The following SLC24A2 variants were observed in gnomAD, a reference collection of about 807,000 sequenced individuals.
The protein encoded by SLC24A2 is sodium/potassium/calcium exchanger 2.
A neutral mutation model predicts 62.0 loss-of-function variants in SLC24A2; 36 were observed. The observed-to-expected ratio is 0.58, with a 90% confidence interval of 0.44 to 0.77. SLC24A2 has a LOEUF of 0.77. Among genes scored for constraint, SLC24A2 ranks in the 30% least tolerant of loss-of-function variants. SLC24A2 has a pLI of 0.00. For missense variants in SLC24A2, 846 were observed against 817.9 expected, an observed-to-expected ratio of 1.03 and a Z score of -0.42; for synonymous variants, 358 against 294.0, an observed-to-expected ratio of 1.22 and a Z score of -2.23.
rs190027950 is a variant in SLC24A2, at chr9:19,704,504, G to C, written c.930+81433C>G. 2.0e-4 allele frequency among the ~76,000 whole-genome samples: 30 copies of C among 152,214 alleles called. No homozygotes were observed. In the East Asian group the frequency reaches 4.4e-3, roughly 23 times the overall value. On this transcript the variant is annotated intron_variant, in intron 2 of 10. Transcript: ENST00000341998. ...TTATTTAAATTTTTTTCCTGTGTTT[G>C]TGTATTTGCATCTATTATGAACATG...
At chr9:19,577,229 CCCT>C (rs1477556079) in intron 5 of SLC24A2, among the ~76,000 whole-genome samples, 1 of 152,130 alleles carries the variant, frequency 6.6e-6, no homozygotes, top group Admixed American at 6.5e-5. Context: ...AGAATCTCTT[CCCT>C]CCCTTCCCAG....
At chr9:19,523,420 A>C (rs1324801412) in intron 9 of SLC24A2, among the ~76,000 whole-genome samples, 3 of 152,220 alleles carry the variant, frequency 2.0e-5, no homozygotes, top group Non-Finnish European at 4.4e-5. Flanking sequence ...GCACAGTGTC[A>C]GGTATAAAGC....
At chr9:19,822,364 G>C in the SLC24A2 span, among the ~76,000 whole-genome samples, 1 of 152,054 alleles carries the variant, frequency 6.6e-6, no homozygotes, top group Non-Finnish European at 1.5e-5. Flanking sequence ...ATATATAATT[G>C]ATGATAGGAA....
the SLC24A2 span, among the ~76,000 whole-genome samples, chr9:20,227,752 G>A: frequency 6.6e-6 from 1 of 152,062 alleles, no homozygotes; most frequent in African/African-American, 2.4e-5. Flanking sequence ...AATCTCTAAT[G>A]TTATTGCCTA....
chr9:20,216,532 A>T, the SLC24A2 span, among the ~76,000 whole-genome samples: 12 of 152,174 alleles, frequency 7.9e-5, no homozygotes, highest in African/African-American at 2.4e-4. Flanking sequence ...TGTCAAAATA[A>T]AAAGGAGTAT....
chr9:19,607,248 G>A (rs961945645), intron 4 of SLC24A2, among the ~76,000 whole-genome samples: 2 of 152,198 alleles, frequency 1.3e-5, no homozygotes, highest in Non-Finnish European at 2.9e-5. Flanking sequence ...GGTCCCCCAA[G>A]TAATTGCATC....
intron 7 of SLC24A2, among the ~76,000 whole-genome samples, chr9:19,559,001 A>C (rs1835256970): frequency 6.6e-6 from 1 of 152,202 alleles, no homozygotes; most frequent in Non-Finnish European, 1.5e-5. Context: ...TTTCTACTAA[A>C]TAGGAAGTCA....
chr9:20,182,064 A>G, the SLC24A2 span, among the ~76,000 whole-genome samples: 3 of 152,372 alleles, frequency 2.0e-5, no homozygotes, highest in South Asian at 6.2e-4. Flanking sequence ...AATGCAAATC[A>G]AAACCACAAT....
chr9:20,147,780 C>G, the SLC24A2 span, among the ~76,000 whole-genome samples: 2 of 152,080 alleles, frequency 1.3e-5, no homozygotes, highest in Non-Finnish European at 2.9e-5. Context: ...AGGGGTGCAA[C>G]TAACCTGGGG....
At chr9:20,100,918 T>C in the SLC24A2 span, among the ~76,000 whole-genome samples, 3 of 152,198 alleles carry the variant, frequency 2.0e-5, no homozygotes, top group South Asian at 6.2e-4. Flanking sequence ...CTACAGGTAT[T>C]GTGGTCTCTC....
At chr9:20,073,893 CACAT>C in the SLC24A2 span, among the ~76,000 whole-genome samples, 5 of 123,824 alleles carry the variant, frequency 4.0e-5, no homozygotes, top group African/African-American at 9.2e-5. Flanking sequence ...TATATATACA[CACAT>C]ATATATATAT....
At chr9:20,283,761 G>A in the SLC24A2 span, among the ~76,000 whole-genome samples, 9 of 142,572 alleles carry the variant, frequency 6.3e-5, no homozygotes, top group African/African-American at 1.0e-4. Flanking sequence ...AGGGGGGGGG[G>A]GGCTTTAATC....
the SLC24A2 span, among the ~76,000 whole-genome samples, chr9:20,092,916 G>A: frequency 6.6e-6 from 1 of 152,264 alleles, no homozygotes; most frequent in African/African-American, 2.4e-5. Flanking sequence ...GGGTGGTAAG[G>A]TGAATAAGGT....
the SLC24A2 span, among the ~76,000 whole-genome samples, chr9:20,046,550 AT>A: frequency 6.6e-6 from 1 of 152,222 alleles, no homozygotes; most frequent in Non-Finnish European, 1.5e-5. Flanking sequence ...TAAGAATGCT[AT>A]CCAGGATTTA....
chr9:19,565,828 G>T (rs1410316203), intron 7 of SLC24A2, among the ~76,000 whole-genome samples: 1 of 152,174 alleles, frequency 6.6e-6, no homozygotes, highest in African/African-American at 2.4e-5. Flanking sequence ...ATAACCATCT[G>T]ATCTTTGACA....
At chr9:20,186,410 T>C in the SLC24A2 span, among the ~76,000 whole-genome samples, 1 of 152,180 alleles carries the variant, frequency 6.6e-6, no homozygotes, top group African/African-American at 2.4e-5. Context: ...ACCTCCCTGG[T>C]ACGGACTCTC....
chr9:20,206,706 T>C, the SLC24A2 span, among the ~76,000 whole-genome samples: 1 of 152,116 alleles, frequency 6.6e-6, no homozygotes, highest in African/African-American at 2.4e-5. Context: ...GGTCTCGAAC[T>C]CCTGCCTCAT....
chr9:20,004,904 CT>C, the SLC24A2 span, among the ~76,000 whole-genome samples: 4 of 151,064 alleles, frequency 2.6e-5, no homozygotes, highest in Non-Finnish European at 4.4e-5. Context: ...AACAATATCA[CT>C]TTTTTTGAAA....
At chr9:19,555,593 A>C (rs1835048892) in intron 7 of SLC24A2, among the ~76,000 whole-genome samples, 4 of 152,224 alleles carry the variant, frequency 2.6e-5, no homozygotes, top group Admixed American at 2.6e-4. Flanking sequence ...GGCGTAAATA[A>C]AAAAAGTAAC....
Sources: gnomAD v4.1 joint callset for allele counts (sites outside exome capture counted in the v4.1 genomes callset) on GRCh38, gnomAD v4.1.1 for gene constraint, MANE v1.5 for transcripts, NCBI Gene and HGNC (gene_info 2026-07-23, HGNC 2026-07-21) for gene names.